The following RELN variants were observed in gnomAD, a reference collection of about 807,000 sequenced individuals.
The protein encoded by RELN is reelin.
In RELN, 108 loss-of-function variants were observed where a neutral mutation model predicts 427.6. That is an observed-to-expected ratio of 0.25 (90% CI 0.22 to 0.30). The LOEUF is 0.30. Among genes scored for constraint, RELN ranks in the 10% least tolerant of loss-of-function variants. The pLI is 1.00. For synonymous variants in RELN, 1,524 were observed against 1,513.4 expected (o/e 1.01, Z -0.16); for missense variants, 3,715 against 4,302.8 (o/e 0.86, Z 3.82).
At chr7:103,940,248 A>T (rs539264705) in intron 1 of RELN, among the ~76,000 whole-genome samples, 2 of 152,208 alleles carry the variant, frequency 1.3e-5, no homozygotes, top group Admixed American at 6.6e-5. Context: ...CTAGGGCTAC[A>T]TGACCTCTTT....
At chr7:103,786,279 G>A (rs1460273023) in intron 3 of RELN, among the ~76,000 whole-genome samples, 2 of 151,762 alleles carry the variant, frequency 1.3e-5, no homozygotes, top group African/African-American at 2.4e-5. Context: ...ATATACCCTT[G>A]TAGTTTTTAA....
rs915374086 is a variant in RELN, at chr7:103,905,585, T to C, written c.337+11490A>G. Among the ~76,000 whole-genome samples the C allele has an allele frequency of 2.6e-5, 4 of 152,202 alleles. No homozygotes were observed. The East Asian group carries it at 7.7e-4, about 29-fold the overall frequency. On this transcript the variant is annotated intron_variant, in intron 2 of 64. Transcript: ENST00000428762. ...CACTTGTGCAGACACATGCATTTACTAAGGGCAGCTCAAATACCTTACGAA... is the reference window on the plus strand; with the variant it reads ...CACTTGTGCAGACACATGCATTTACCAAGGGCAGCTCAAATACCTTACGAA...
intron 38 of RELN, 65 bp from the exon 39 acceptor site, chr7:103,553,896 T>C (rs1830469146): frequency 2.1e-6 from 3 of 1,414,006 alleles, no homozygotes; most frequent in African/African-American, 1.4e-5. Flanking sequence ...CTTTTGCTCA[T>C]TGAAAGAAAG....
intron 1 of RELN, among the ~76,000 whole-genome samples, chr7:103,931,583 C>T (rs1563097921): frequency 6.6e-6 from 1 of 152,170 alleles, no homozygotes; most frequent in Non-Finnish European, 1.5e-5. Context: ...AGCAGATATG[C>T]CCTGCTATTA....
At chr7:103,895,183 C>T (rs1024301432) in intron 2 of RELN, among the ~76,000 whole-genome samples, 14 of 152,066 alleles carry the variant, frequency 9.2e-5, no homozygotes, top group Non-Finnish European at 2.1e-4. Context: ...TATCGCAGAA[C>T]TCAGTGATTA....
At chr7:103,553,602 A>G (rs1489462848) in intron 39 of RELN, 39 bp from the exon 40 acceptor site, 1 of 1,612,906 alleles carries the variant, frequency 6.2e-7, no homozygotes, top group Non-Finnish European at 8.5e-7. Flanking sequence ...CATTTAGGCA[A>G]AAGTTCATCA....
chr7:103,490,234 T>C (rs936931014), intron 59 of RELN, among the ~76,000 whole-genome samples: 2 of 152,220 alleles, frequency 1.3e-5, no homozygotes, highest in African/African-American at 4.8e-5. Flanking sequence ...AAGATTGCAC[T>C]CCATTGTATT....
rs1169040596 is a variant in RELN, at chr7:103,650,257, CA to C, written c.2002+16del. ...CTACATCAATGGCATGTGATTATGACAGGCATAAACACTAACCATTATCAAT... is the reference window on the plus strand; with the variant it reads ...CTACATCAATGGCATGTGATTATGACGGCATAAACACTAACCATTATCAAT... On this transcript the variant is annotated intron_variant, in intron 16 of 64. Coordinates refer to ENST00000428762, the MANE Select transcript of RELN (RefSeq NM_005045.4). The C allele has an allele frequency of 7.1e-7, 1 of 1,410,044 alleles. No homozygotes were observed. The highest frequency in any genetic ancestry group is 1.7e-5 in the Admixed American group (1 of 59,526). 87.3% of individuals were successfully genotyped at this position (1,410,044 alleles called of 1,614,324 possible). A position where few individuals can be genotyped will look rare whatever the true frequency, so the allele number is the denominator to read the frequency against.
At chr7:103,979,312 C>T (rs1796942501) in intron 1 of RELN, among the ~76,000 whole-genome samples, 1 of 152,204 alleles carries the variant, frequency 6.6e-6, no homozygotes, top group Non-Finnish European at 1.5e-5. Flanking sequence ...GAGACAAGGG[C>T]AGACCCCACT....
intron 38 of RELN, among the ~76,000 whole-genome samples, chr7:103,556,414 A>G (rs1830521105): frequency 7.5e-6 from 1 of 132,650 alleles, no homozygotes; most frequent in Admixed American, 7.8e-5. Flanking sequence ...AAATATGAAG[A>G]GATTATATAT....
chr7:103,500,200 T>C (rs1239422329), intron 53 of RELN, among the ~76,000 whole-genome samples: 1 of 152,236 alleles, frequency 6.6e-6, no homozygotes, highest in East Asian at 1.9e-4. Context: ...TTGCTTTGCA[T>C]ATTAAATAAT....
chr7:103,568,229 A>G (rs1311766874), intron 31 of RELN, among the ~76,000 whole-genome samples: 1 of 152,234 alleles, frequency 6.6e-6, no homozygotes, highest in Non-Finnish European at 1.5e-5. Context: ...AAATATTACA[A>G]TAAAGTGTAG....
At chr7:103,944,015 T>C (rs1796169295) in intron 1 of RELN, among the ~76,000 whole-genome samples, 1 of 151,978 alleles carries the variant, frequency 6.6e-6, no homozygotes, top group Admixed American at 6.6e-5. Context: ...GCCAGACCTC[T>C]AGAGATTTGA....
intron 63 of RELN, among the ~76,000 whole-genome samples, chr7:103,478,845 A>G (rs1403661173): frequency 6.6e-6 from 1 of 152,212 alleles, no homozygotes; most frequent in African/African-American, 2.4e-5. Context: ...ATAAAGGACA[A>G]ATATGCTTTG....
intron 61 of RELN, chr7:103,484,270 TTC>T (rs1828347223): frequency 4.7e-6 from 1 of 212,010 alleles, no homozygotes; most frequent in Admixed American, 5.3e-5. Context: ...AATTTCCAAG[TTC>T]ATAATATAAT....
At chr7:103,835,173 C>G (rs1005164184) in intron 2 of RELN, among the ~76,000 whole-genome samples, 2 of 152,070 alleles carry the variant, frequency 1.3e-5, no homozygotes, top group Non-Finnish European at 2.9e-5. Flanking sequence ...ATGCGTATTA[C>G]CAAGTGAAAG....
intron 2 of RELN, among the ~76,000 whole-genome samples, chr7:103,890,577 C>A (rs1325907511): frequency 6.6e-6 from 1 of 152,042 alleles, no homozygotes; most frequent in African/African-American, 2.4e-5. Flanking sequence ...CCACCCCCTA[C>A]TGTCTGTGGA....
rs1271388006 is a variant in RELN at position 103,545,640 on chromosome 7, T to TA, written c.6303-297_6303-296insT. ...GTGAAGACTTCTCCATCCTTACTAT[T>TA]TTGTTTTATTTTTTTTTTTGAGACA... is the stretch of plus-strand genomic sequence containing the variant. On this transcript the variant is annotated intron_variant, in intron 41 of 64. Transcript: ENST00000428762. 5.9e-4 allele frequency among the ~76,000 whole-genome samples: 90 copies of TA among 151,308 alleles called. 2 individuals carry two copies. Among genetic ancestry groups the TA allele is most frequent in the African/African-American group, 2.1e-3 (88 of 41,272 alleles).
intron 11 of RELN, among the ~76,000 whole-genome samples, chr7:103,669,005 G>A (rs929427810): frequency 1.1e-4 from 16 of 152,120 alleles, no homozygotes; most frequent in Admixed American, 3.9e-4. Flanking sequence ...TTTATTTGTC[G>A]TAAATGAAAA....
Sources: allele counts gnomAD v4.1 joint callset (sites outside exome capture counted in the v4.1 genomes callset), GRCh38; gene constraint gnomAD v4.1.1; transcripts MANE v1.5; gene names NCBI Gene and HGNC (gene_info 2026-07-23, HGNC 2026-07-21).